Variants in ACTR3C observed in about 807,000 individuals in gnomAD.
ACTR3C encodes actin-related protein 3C.
In ACTR3C, 18 loss-of-function variants were observed where a neutral mutation model predicts 26.3. The ratio of observed to expected loss-of-function variants is 0.68; its 90% CI spans 0.47 to 1.01. The LOEUF (loss-of-function observed/expected upper bound fraction) is 1.01, where lower values mean the gene tolerates loss of function less well. Among genes scored for constraint, ACTR3C ranks in the 50% least tolerant of loss-of-function variants. The pLI is 0.00. For missense variants in ACTR3C, 184 were observed against 250.7 expected, an observed-to-expected ratio of 0.73 and a Z score of 1.80; for synonymous variants, 55 against 94.5, an observed-to-expected ratio of 0.58 and a Z score of 2.42.
the ACTR3C span, among the ~76,000 whole-genome samples, chr7:150,141,679 G>GA: frequency 6.6e-6 from 1 of 152,110 alleles, no homozygotes; most frequent in Non-Finnish European, 1.5e-5. Flanking sequence ...CCTCTCATTA[G>GA]AAAATCTCTG....
At chr7:149,903,381 G>T in the ACTR3C span, among the ~76,000 whole-genome samples, 1 of 152,054 alleles carries the variant, frequency 6.6e-6, no homozygotes, top group Non-Finnish European at 1.5e-5. Flanking sequence ...GGTCAATAAA[G>T]GTTGCCGGAT....
At chr7:149,930,697 AT>A in the ACTR3C span, among the ~76,000 whole-genome samples, 1 of 152,228 alleles carries the variant, frequency 6.6e-6, no homozygotes, top group African/African-American at 2.4e-5. Context: ...TTTCTTGAAG[AT>A]TGTTTTCATA....
chr7:149,898,909 A>G, the ACTR3C span, among the ~76,000 whole-genome samples: 7 of 152,020 alleles, frequency 4.6e-5, no homozygotes, highest in South Asian at 2.1e-4. Context: ...TATGAACACA[A>G]TGGAGAAATC....
the ACTR3C span, among the ~76,000 whole-genome samples, chr7:149,943,613 T>G: frequency 6.6e-6 from 1 of 152,068 alleles, no homozygotes; most frequent in African/African-American, 2.4e-5. Context: ...CTGTAATCCC[T>G]GCTACTTAGG....
the ACTR3C span, among the ~76,000 whole-genome samples, chr7:150,042,524 T>G: frequency 1.6e-4 from 19 of 120,892 alleles, no homozygotes; most frequent in African/African-American, 4.8e-4. Context: ...CCTGCGATAG[T>G]GGTCCCAAGA....
the ACTR3C span, among the ~76,000 whole-genome samples, chr7:150,039,527 C>G: frequency 1.1e-5 from 1 of 87,434 alleles, no homozygotes; most frequent in Admixed American, 1.3e-4. Context: ...CCTCCCCCTC[C>G]TGCGATGGGG....
the ACTR3C span, among the ~76,000 whole-genome samples, chr7:150,145,437 G>C: frequency 4.2e-4 from 63 of 151,490 alleles, no homozygotes; most frequent in Middle Eastern, 6.8e-3. Context: ...TAGGCCTTGT[G>C]GTCTTTAATC....
At chr7:150,241,023 G>C (rs561374070), downstream of ACTR3C, among the ~76,000 whole-genome samples, 7 of 152,010 alleles carry the variant, frequency 4.6e-5, no homozygotes, top group African/African-American at 1.7e-4. Flanking sequence ...ATGAAAAATA[G>C]CAAAATATTA....
chr7:150,095,763 A>G, the ACTR3C span, among the ~76,000 whole-genome samples: 1 of 150,638 alleles, frequency 6.6e-6, no homozygotes, highest in African/African-American at 2.5e-5. Context: ...ATTATAGGCG[A>G]CAAATGTACA....
At chr7:150,016,224 A>G in the ACTR3C span, among the ~76,000 whole-genome samples, 1 of 151,906 alleles carries the variant, frequency 6.6e-6, no homozygotes, top group East Asian at 1.9e-4. Context: ...CTCCATCAAC[A>G]CCCTCTTCCC....
At chr7:150,241,763 G>A (rs185594631), downstream of ACTR3C, among the ~76,000 whole-genome samples, 932 of 152,208 alleles carry the variant, frequency 6.1e-3, 16 homozygotes, top group African/African-American at 0.021. Context: ...TTATAAAGAA[G>A]TCTTATAACT....
chr7:150,210,247 C>T, the ACTR3C span, among the ~76,000 whole-genome samples: 2 of 149,178 alleles, frequency 1.3e-5, no homozygotes, highest in South Asian at 2.1e-4. Context: ...TTGGGGGAAC[C>T]GGAAGCCTCA....
chr7:150,039,092 C>T, the ACTR3C span, among the ~76,000 whole-genome samples: 4 of 149,690 alleles, frequency 2.7e-5, no homozygotes, highest in East Asian at 6.2e-4. Flanking sequence ...TACTAACACC[C>T]ACAGTCCTCC....
intron 6 of ACTR3C, among the ~76,000 whole-genome samples, chr7:150,252,563 TAAAGAGTAGA>T (rs1159151810): frequency 6.6e-6 from 1 of 152,134 alleles, no homozygotes; most frequent in East Asian, 1.9e-4. Flanking sequence ...GGAAAGTAAA[TAAAGAGTAGA>T]TTTATACTAT....
chr7:149,953,542 A>G, the ACTR3C span, among the ~76,000 whole-genome samples: 1 of 152,148 alleles, frequency 6.6e-6, no homozygotes, highest in African/African-American at 2.4e-5. Flanking sequence ...ATGATAATTC[A>G]TGATTTGTTT....
intron 6 of ACTR3C, among the ~76,000 whole-genome samples, chr7:150,283,510 TAA>T (rs1232035452): frequency 1.3e-5 from 2 of 149,924 alleles, no homozygotes; most frequent in East Asian, 1.9e-4. Flanking sequence ...ATGGAGAAAG[TAA>T]AAGTTATCCA....
chr7:149,932,136 G>A, the ACTR3C span, among the ~76,000 whole-genome samples: 1 of 152,084 alleles, frequency 6.6e-6, no homozygotes, highest in Non-Finnish European at 1.5e-5. Flanking sequence ...TGCATACAGT[G>A]GAATATTATT....
intron 1 of ACTR3C, 35 bp from the exon 2 acceptor site, chr7:150,295,382 C>G (rs1343976066): frequency 1.9e-6 from 3 of 1,599,036 alleles, no homozygotes; most frequent in Non-Finnish European, 1.7e-6. Flanking sequence ...TAGTGTTTAC[C>G]CAAATTTCAT....
chr7:150,002,288 C>G, the ACTR3C span: 1 of 152,222 alleles, frequency 6.6e-6, no homozygotes, highest in Non-Finnish European at 1.5e-5. Context: ...GTGAGATCAC[C>G]GCAAACATAA....
Sources: allele counts gnomAD v4.1 joint callset (sites outside exome capture counted in the v4.1 genomes callset), GRCh38; gene constraint gnomAD v4.1.1; transcripts MANE v1.5; gene names NCBI Gene and HGNC (gene_info 2026-07-23, HGNC 2026-07-21).